The following NEK10 variants were observed in gnomAD, a reference collection of about 807,000 sequenced individuals.
NEK10 encodes the protein serine/threonine-protein kinase Nek10.
NEK10 carries 122 observed loss-of-function variants against 159.8 expected under a neutral mutation model. The ratio of observed to expected loss-of-function variants is 0.76; its 90% CI spans 0.66 to 0.89. The LOEUF (loss-of-function observed/expected upper bound fraction) is 0.89. Among genes scored for constraint, NEK10 ranks in the 40% least tolerant of loss-of-function variants. NEK10 has a pLI of 0.00. For synonymous variants in NEK10, 466 were observed against 457.1 expected (o/e 1.02, Z -0.25); for missense variants, 1,342 against 1,323.1 (o/e 1.01, Z -0.22).
intron 22 of NEK10, among the ~76,000 whole-genome samples, chr3:27,273,290 C>A (rs546278643): frequency 6.6e-6 from 1 of 152,254 alleles, no homozygotes; most frequent in East Asian, 1.9e-4. Flanking sequence ...AGCACTTGAC[C>A]ATAAGCATCT....
chr3:27,192,018 T>C lies in NEK10; in HGVS notation c.2505+11A>G, dbSNP rs1387694438. On this transcript the variant is annotated intron_variant, in intron 26 of 35. Coordinates refer to ENST00000691995, the MANE Select transcript of NEK10 (RefSeq NM_001394966.1). The stretch of plus-strand genomic sequence containing the variant: ...AGTGCATCATGAACCGATTGAAATA[T>C]TTGCACTTACGTGAGATAGAACAGC... The C allele has an allele frequency of 6.2e-7, 1 of 1,613,338 alleles. No individual in the cohort carries two copies. The highest frequency in any genetic ancestry group is 8.5e-7 in the Non-Finnish European group (1 of 1,179,256).
intron 31 of NEK10, among the ~76,000 whole-genome samples, chr3:27,134,175 G>A (rs1942942266): frequency 6.6e-6 from 1 of 152,164 alleles, no homozygotes; most frequent in South Asian, 2.1e-4. Context: ...GTGTGTGAGA[G>A]AGAAAAGCAA....
At chr3:27,213,224 T>G (rs1488317037) in intron 23 of NEK10, among the ~76,000 whole-genome samples, 1 of 152,186 alleles carries the variant, frequency 6.6e-6, no homozygotes, top group East Asian at 1.9e-4. Context: ...TTCTGTCCAA[T>G]TCTTTGTTCA....
chr3:27,174,256 C>T, intron 28 of NEK10, 183 bp downstream of exon 28: 1 of 369,344 alleles, frequency 2.7e-6, no homozygotes, highest in Non-Finnish European at 3.7e-6. Flanking sequence ...AATATAAAAC[C>T]ACTGTGCTGG....
chr3:27,241,869 G>A (rs189051499), intron 23 of NEK10, among the ~76,000 whole-genome samples: 52 of 152,250 alleles, frequency 3.4e-4, no homozygotes, highest in African/African-American at 9.1e-4. Flanking sequence ...CTTGAGCCTG[G>A]ACATTGCCAT....
At chr3:27,157,186 G>T (rs1247081258) in intron 30 of NEK10, among the ~76,000 whole-genome samples, 1 of 151,540 alleles carries the variant, frequency 6.6e-6, no homozygotes, top group African/African-American at 2.4e-5. Flanking sequence ...GGGGGGAAGA[G>T]TGGGAAAGGG....
chr3:27,197,682 GT>G (rs1040527913), intron 25 of NEK10, among the ~76,000 whole-genome samples: 1 of 152,114 alleles, frequency 6.6e-6, no homozygotes, highest in Non-Finnish European at 1.5e-5. Context: ...ATACTATTGG[GT>G]TTTCTAGATA....
At chr3:27,152,099 G>A (rs1033757001) in intron 30 of NEK10, among the ~76,000 whole-genome samples, 65 of 152,198 alleles carry the variant, frequency 4.3e-4, no homozygotes, top group Non-Finnish European at 1.3e-4. Flanking sequence ...ACAATTCCTA[G>A]CCTTGCTAGA....
At chr3:27,227,591 C>T (rs866287061) in intron 23 of NEK10, among the ~76,000 whole-genome samples, 1 of 152,156 alleles carries the variant, frequency 6.6e-6, no homozygotes, top group African/African-American at 2.4e-5. Flanking sequence ...CTCTGCTGTT[C>T]CCTACTGACA....
At chr3:27,248,486 G>A (rs1213410074) in intron 23 of NEK10, among the ~76,000 whole-genome samples, 1 of 151,854 alleles carries the variant, frequency 6.6e-6, no homozygotes, top group Non-Finnish European at 1.5e-5. Flanking sequence ...TTTTGGTTTA[G>A]GCATTTATAG....
At chr3:27,230,601 A>T (rs990415014) in intron 23 of NEK10, among the ~76,000 whole-genome samples, 2 of 152,048 alleles carry the variant, frequency 1.3e-5, no homozygotes, top group South Asian at 4.1e-4. Context: ...ACAACCAACC[A>T]AATATCTGCT....
intron 20 of NEK10, among the ~76,000 whole-genome samples, chr3:27,286,079 CTTTTTTTTTTTT>C (rs35663067): frequency 5.2e-5 from 3 of 57,710 alleles, no homozygotes; most frequent in Non-Finnish European, 8.8e-5. Context: ...ATTTCCAATT[CTTTTTTTTTTTT>C]TTTTTTTTTT....
intron 23 of NEK10, among the ~76,000 whole-genome samples, chr3:27,207,877 T>C (rs1950655382): frequency 6.6e-6 from 1 of 152,216 alleles, no homozygotes; most frequent in Non-Finnish European, 1.5e-5. Flanking sequence ...CTCATGAGGA[T>C]AAAATTCTGA....
chr3:27,136,028 C>T (rs185695384), intron 31 of NEK10, among the ~76,000 whole-genome samples: 5 of 150,808 alleles, frequency 3.3e-5, no homozygotes, highest in Admixed American at 6.6e-5. Context: ...TTTCCATTGG[C>T]AATAACTGTG....
intron 1 of NEK10, among the ~76,000 whole-genome samples, chr3:27,354,377 A>G (rs1441582156): frequency 3.9e-5 from 6 of 152,218 alleles, no homozygotes; most frequent in African/African-American, 1.4e-4. Flanking sequence ...GTTTGAGATC[A>G]GCATGTACTC....
intron 5 of NEK10, among the ~76,000 whole-genome samples, chr3:27,323,003 T>A (rs1363444615): frequency 6.6e-6 from 1 of 152,182 alleles, no homozygotes; most frequent in Admixed American, 6.5e-5. Flanking sequence ...GGCAGTTTGG[T>A]GCTCAGTTTG....
chr3:27,169,467 T>A (rs1164246711), intron 29 of NEK10, among the ~76,000 whole-genome samples: 1 of 152,180 alleles, frequency 6.6e-6, no homozygotes, highest in African/African-American at 2.4e-5. Flanking sequence ...TTATCGAATA[T>A]CTTTCTGATA....
intron 22 of NEK10, among the ~76,000 whole-genome samples, chr3:27,283,332 G>A (rs917188801): frequency 6.6e-6 from 1 of 151,880 alleles, no homozygotes; most frequent in African/African-American, 2.4e-5. Context: ...ATGGGAGTAG[G>A]GGCAGCAAAA....
intron 3 of NEK10, among the ~76,000 whole-genome samples, chr3:27,350,926 A>C (rs2047925391): frequency 6.6e-6 from 1 of 152,146 alleles, no homozygotes; most frequent in South Asian, 2.1e-4. Context: ...TCAAGTCACA[A>C]TTCAATTTAG....
Sources: gnomAD v4.1 joint callset for allele counts (sites outside exome capture counted in the v4.1 genomes callset) on GRCh38, gnomAD v4.1.1 for gene constraint, MANE v1.5 for transcripts, NCBI Gene and HGNC (gene_info 2026-07-23, HGNC 2026-07-21) for gene names.